The following TMEM63A variants were observed in gnomAD, a reference collection of about 807,000 sequenced individuals.
TMEM63A encodes mechanosensitive cation channel TMEM63A.
TMEM63A carries 76 observed loss-of-function variants against 100.6 expected under a neutral mutation model. The ratio of observed to expected loss-of-function variants is 0.76; its 90% CI spans 0.63 to 0.91. The LOEUF (loss-of-function observed/expected upper bound fraction) is 0.91, where lower values mean the gene tolerates loss of function less well. Among genes scored for constraint, TMEM63A ranks in the 40% least tolerant of loss-of-function variants. The pLI, the probability that TMEM63A is intolerant of heterozygous loss-of-function variation, is 0.00. For missense variants in TMEM63A, 876 were observed against 1,008.8 expected, an observed-to-expected ratio of 0.87 and a Z score of 1.78; for synonymous variants, 401 against 401.1, an observed-to-expected ratio of 1.00 and a Z score of 0.00.
At chr1:225,864,791 G>A (rs1670117921) in intron 10 of TMEM63A, 1 of 152,222 alleles carries the variant, frequency 6.6e-6, no homozygotes, top group South Asian at 2.1e-4. Flanking sequence ...CCAACTCCTA[G>A]TCCATGCAAC....
intron 20 of TMEM63A, among the ~76,000 whole-genome samples, chr1:225,852,054 C>A (rs139078041): frequency 2.5e-3 from 385 of 152,372 alleles, no homozygotes; most frequent in African/African-American, 8.8e-3. Flanking sequence ...AGCACGAGAG[C>A]TTTGATTGTG....
At chr1:225,842,531 C>A, downstream of TMEM63A, 1 of 1,188,100 alleles carries the variant, frequency 8.4e-7, no homozygotes, top group South Asian at 1.2e-5. Context: ...CCAACCTCCT[C>A]ACCCTCTTCA....
At chr1:225,872,504 T>C (rs187130397) in intron 4 of TMEM63A, among the ~76,000 whole-genome samples, 4 of 152,256 alleles carry the variant, frequency 2.6e-5, no homozygotes, top group Non-Finnish European at 5.9e-5. Context: ...CACCCATCAA[T>C]AACAAGATGC....
At chr1:225,849,756 C>T (rs373249809) in intron 21 of TMEM63A, among the ~76,000 whole-genome samples, 156 bp downstream of exon 21, 1 of 151,930 alleles carries the variant, frequency 6.6e-6, no homozygotes, top group Non-Finnish European at 1.5e-5. Flanking sequence ...CTGGGTACCA[C>T]GTTCTGATGG....
At chr1:225,848,793 C>T in intron 22 of TMEM63A, 104 bp downstream of exon 22, 1 of 991,954 alleles carries the variant, frequency 1.0e-6, no homozygotes, top group Non-Finnish European at 1.5e-6. Context: ...GAGAAGGCTG[C>T]TGCTGTGTTG....
rs1192578785 is a variant in TMEM63A at position 225,848,553 on chromosome 1, G to C, written c.2189C>G (p.Thr730Arg). 4 of 1,614,102 alleles carry C rather than the reference G, an allele frequency of 2.5e-6. No homozygotes were observed. The East Asian group carries it at 8.9e-5, about 36-fold the overall frequency. The change falls in exon 23 of 25, where the codon ACA (threonine) becomes AGA (arginine). Residue 730 changes from threonine (T) to arginine (R), a missense_variant and splice_region_variant. Thr to Arg is a moderately conservative substitution (Grantham distance 71). Around this residue, in one of 5 missense-constraint regions of TMEM63A, gnomAD observed 339 missense variants for 342.3 expected, o/e 0.99. Coordinates refer to ENST00000366835, the MANE Select transcript of TMEM63A (RefSeq NM_014698.3). ...TCCTTTGTCACTTGCAGGCTCTTCT[G>C]TCTGCAGATAACAGCAAAAACTTGC... Reference protein sequence around the residue: ...FKHLSPLNYKTEEPASDKGSE... With the variant: ...FKHLSPLNYKREEPASDKGSE...
downstream of TMEM63A, chr1:225,842,248 A>G (rs746059301): frequency 5.3e-4 from 414 of 786,364 alleles, 3 homozygotes; most frequent in Non-Finnish European, 1.1e-4. Flanking sequence ...CCTGTGCTCG[A>G]ACGTGGCTTC....
Position 225,845,588 on chromosome 1 carries a change from C to T in TMEM63A, c.*1351G>A, listed in dbSNP as rs574072496. On this transcript the variant is annotated 3_prime_UTR_variant, in exon 25 of 25. Coordinates refer to ENST00000366835, the MANE Select transcript of TMEM63A (RefSeq NM_014698.3). Reference sequence around the variant, plus strand: ...AGCGGCTGGAACTCAGTGACATGAGCGTGCGCTGACCCCACATGGGGCCCC... The same window carrying T: ...AGCGGCTGGAACTCAGTGACATGAGTGTGCGCTGACCCCACATGGGGCCCC... 5.7e-4 allele frequency: 330 copies of T among 577,762 alleles called. 5 individuals are homozygous for T. In the East Asian group the frequency reaches 8.1e-3, roughly 14 times the overall value. 35.8% of individuals were successfully genotyped at this position (577,762 alleles called of 1,614,324 possible). A position where few individuals can be genotyped will look rare whatever the true frequency, so the allele number is the denominator to read the frequency against.
At chr1:225,855,088 C>G (rs948249640) in intron 18 of TMEM63A, among the ~76,000 whole-genome samples, 1 of 152,200 alleles carries the variant, frequency 6.6e-6, no homozygotes, top group African/African-American at 2.4e-5. Context: ...AACTCATCAG[C>G]TTACTCAGCA....
intron 5 of TMEM63A, 110 bp downstream of exon 5, chr1:225,871,877 G>T: frequency 1.2e-6 from 1 of 800,798 alleles, no homozygotes. Context: ...ATGCAGAAAA[G>T]CACTTTCTCC....
rs139178765 is a variant in TMEM63A at position 225,854,475 on chromosome 1, T to C, written c.1635-684A>G. On this transcript the variant is annotated intron_variant, in intron 18 of 24. Transcript: ENST00000366835. ...AGAGAGAGTTGTCAGGATTTTCTGGTAGGCTGGGTATGGCATGGGAGGGAT... is the reference window on the plus strand; with the variant it reads ...AGAGAGAGTTGTCAGGATTTTCTGGCAGGCTGGGTATGGCATGGGAGGGAT... Among the ~76,000 whole-genome samples the C allele has an allele frequency of 1.6e-3, 248 of 152,256 alleles. 4 individuals are homozygous for C. In the East Asian group the frequency reaches 0.034, roughly 21 times the overall value.
chr1:225,880,750 C>T (rs1231951824), intron 1 of TMEM63A, among the ~76,000 whole-genome samples: 1 of 152,174 alleles, frequency 6.6e-6, no homozygotes, highest in Non-Finnish European at 1.5e-5. Context: ...CTGATTGTGG[C>T]CAGTGGGAGA....
chr1:225,858,097 C>T (rs908936669), intron 15 of TMEM63A, among the ~76,000 whole-genome samples: 1 of 152,094 alleles, frequency 6.6e-6, no homozygotes, highest in Non-Finnish European at 1.5e-5. Flanking sequence ...AAAGTGAAGA[C>T]AAGGAGGCCC....
downstream of TMEM63A, chr1:225,845,408 G>A: frequency 6.6e-7 from 1 of 1,508,254 alleles, no homozygotes; most frequent in Non-Finnish European, 8.9e-7. Context: ...CTTTTCTTGG[G>A]GAAGATACCC....
At chr1:225,857,132 C>T in intron 15 of TMEM63A, 115 bp from the exon 16 acceptor site, 1 of 889,490 alleles carries the variant, frequency 1.1e-6, no homozygotes, top group South Asian at 2.3e-5. Flanking sequence ...AGTTTGTCAT[C>T]TCTGACCCCA....
Position 225,850,079 on chromosome 1 carries a change from C to A in TMEM63A, c.1904G>T (p.Gly635Val), listed in dbSNP as rs1669243752. The A allele has an allele frequency of 6.2e-7, 1 of 1,613,864 alleles. No homozygotes were observed. The highest frequency in any genetic ancestry group is 8.5e-7 in the Non-Finnish European group (1 of 1,179,956). ...GTGCTTGAGCAGGATGTAGATGAGG[C>A]CTGCAGGGGATGGGGCTGTGAGCTG... is the stretch of plus-strand genomic sequence containing the variant. ...SITCPIIAPF[G>V]LIYILLKHMV... is the part of the protein sequence containing the mutation. Residue 635 changes from glycine to valine, a missense_variant and splice_region_variant, in exon 21 of 25, where the codon GGC becomes GTC. Around this residue, in one of 5 missense-constraint regions of TMEM63A, gnomAD observed 339 missense variants for 342.3 expected, o/e 0.99. Coordinates refer to ENST00000366835, the MANE Select transcript of TMEM63A (RefSeq NM_014698.3).
chr1:225,861,123 T>C, intron 13 of TMEM63A, 126 bp from the exon 14 acceptor site: 2 of 1,115,282 alleles, frequency 1.8e-6, no homozygotes, highest in Non-Finnish European at 1.2e-6. Context: ...GTGATTAGTG[T>C]ATTATGAGTA....
intron 9 of TMEM63A, 81 bp from the exon 10 acceptor site, chr1:225,866,048 C>T: frequency 3.5e-6 from 5 of 1,440,636 alleles, no homozygotes; most frequent in Non-Finnish European, 4.8e-6. Flanking sequence ...CCAACTCCAG[C>T]CTCTGGAAAG....
At chr1:225,859,564 G>A in intron 14 of TMEM63A, 2 of 591,718 alleles carry the variant, frequency 3.4e-6, no homozygotes, top group Non-Finnish European at 5.8e-6. Context: ...TAAAGTCTGG[G>A]GGCCAGAACC....
Sources: gnomAD v4.1 joint callset for allele counts (sites outside exome capture counted in the v4.1 genomes callset) on GRCh38, gnomAD v4.1.1 for gene constraint, gnomAD v4.1.1 regional missense constraint, MANE v1.5 for transcripts, NCBI Gene and HGNC (gene_info 2026-07-23, HGNC 2026-07-21) for gene names.